The following CMSS1 variants were observed in gnomAD, a reference collection of about 807,000 sequenced individuals.
The protein encoded by CMSS1 is protein CMSS1.
Under a neutral mutation model 43.5 loss-of-function variants are expected in CMSS1, and 33 were observed. The observed-to-expected ratio is 0.76, with a 90% confidence interval of 0.57 to 1.01. The LOEUF (loss-of-function observed/expected upper bound fraction) is 1.01, where lower values mean the gene tolerates loss of function less well. Among genes scored for constraint, CMSS1 ranks in the 50% least tolerant of loss-of-function variants. The pLI is 0.00. For missense variants in CMSS1, 313 were observed against 326.4 expected (o/e 0.96, Z 0.32); for synonymous variants, 115 against 117.2 (o/e 0.98, Z 0.12).
chr3:99,821,875 G>A (rs1054098358), intron 1 of CMSS1, among the ~76,000 whole-genome samples: 9 of 152,062 alleles, frequency 5.9e-5, no homozygotes, highest in South Asian at 4.2e-4. Context: ...GAGAAAACCT[G>A]TCTCTACTAA....
intron 1 of CMSS1, among the ~76,000 whole-genome samples, chr3:100,074,666 C>T (rs1261932282): frequency 2.8e-5 from 2 of 72,470 alleles, no homozygotes; most frequent in African/African-American, 1.0e-4. Flanking sequence ...TATGCATGTG[C>T]AACATTTGAT....
rs1443600502 is a variant in CMSS1, at chr3:100,030,844, A to T, written c.65-116129A>T. Among the ~76,000 whole-genome samples the T allele has an allele frequency of 5.3e-5, 8 of 152,332 alleles. No homozygotes were observed. The South Asian group carries it at 1.2e-3, about 24-fold the overall frequency. ...GTCAATTTATAACCTAATAAGGTAT[A>T]AGTGGTTTTTAAAGTGCACTGTGGT... On this transcript the variant is annotated intron_variant, in intron 1 of 9. Coordinates refer to ENST00000421999, the MANE Select transcript of CMSS1 (RefSeq NM_032359.4).
intron 1 of CMSS1, among the ~76,000 whole-genome samples, chr3:99,937,968 GGA>G (rs1285783653): frequency 2.0e-5 from 3 of 152,152 alleles, no homozygotes; most frequent in African/African-American, 7.2e-5. Flanking sequence ...GAATTAAGGT[GGA>G]GACTCTCATA....
At position 99,817,862 on chromosome 3, in the gene CMSS1, A is replaced by G; in HGVS notation, c.-118A>G. ...GTCATCGCCGCGGGGCGGAGGCGACAGTGTCTAGCGGGAGCTCCGCGTGTA... is the reference window on the plus strand; with the variant it reads ...GTCATCGCCGCGGGGCGGAGGCGACGGTGTCTAGCGGGAGCTCCGCGTGTA... On this transcript the variant is annotated 5_prime_UTR_variant, in exon 1 of 10. Coordinates refer to ENST00000421999, the MANE Select transcript of CMSS1 (RefSeq NM_032359.4). 2.0e-6 allele frequency: 2 copies of G among 1,023,258 alleles called. No homozygotes were observed. The highest frequency in any genetic ancestry group is 2.9e-6 in the Non-Finnish European group (2 of 681,116). The allele number at this position is 1,023,258 out of a possible 1,614,324, so 63.4% of individuals were successfully genotyped here.
chr3:99,839,720 G>GT (rs1943047124), intron 1 of CMSS1, among the ~76,000 whole-genome samples: 1 of 152,138 alleles, frequency 6.6e-6, no homozygotes, highest in Admixed American at 6.5e-5. Context: ...TACAAATATA[G>GT]ATGTTCAAGT....
chr3:99,939,844 C>G (rs2107674962), intron 1 of CMSS1, among the ~76,000 whole-genome samples: 1 of 152,322 alleles, frequency 6.6e-6, no homozygotes, highest in South Asian at 2.1e-4. Context: ...TTTTAGTTTA[C>G]AAACAGTGGA....
intron 1 of CMSS1, among the ~76,000 whole-genome samples, chr3:99,908,041 T>C (rs1706677972): frequency 6.6e-6 from 1 of 152,238 alleles, no homozygotes; most frequent in Non-Finnish European, 1.5e-5. Flanking sequence ...GGTCATGCAA[T>C]GAGCATGGCC....
intron 1 of CMSS1, chr3:100,039,721 C>T (rs1028350734): frequency 4.0e-5 from 6 of 151,858 alleles, no homozygotes; most frequent in South Asian, 2.1e-4. Context: ...TGGTAATTCC[C>T]CCCAGTGGTT....
At chr3:100,156,822 A>G (rs2066979344) in intron 2 of CMSS1, among the ~76,000 whole-genome samples, 1 of 149,630 alleles carries the variant, frequency 6.7e-6, no homozygotes, top group Non-Finnish European at 1.5e-5. Context: ...TCACCATGTT[A>G]GCCAGAATGG....
intron 1 of CMSS1, among the ~76,000 whole-genome samples, chr3:100,018,735 CAAAAAA>C (rs61527233): frequency 8.3e-6 from 1 of 120,236 alleles, no homozygotes; most frequent in Non-Finnish European, 1.8e-5. Flanking sequence ...TTCCGCATAG[CAAAAAA>C]AAAAAAAAAA....
At chr3:99,966,856 G>A (rs1708668719) in intron 1 of CMSS1, among the ~76,000 whole-genome samples, 3 of 152,132 alleles carry the variant, frequency 2.0e-5, no homozygotes, top group African/African-American at 2.4e-5. Context: ...AGATTTACTC[G>A]AACTGAACTA....
chr3:100,109,332 A>G (rs1209380969), intron 1 of CMSS1, among the ~76,000 whole-genome samples: 1 of 152,186 alleles, frequency 6.6e-6, no homozygotes, highest in Non-Finnish European at 1.5e-5. Context: ...ACAATAAGGT[A>G]TGCTTTACAT....
chr3:100,015,487 A>G (rs1395945868), intron 1 of CMSS1, among the ~76,000 whole-genome samples: 1 of 152,204 alleles, frequency 6.6e-6, no homozygotes, highest in Non-Finnish European at 1.5e-5. Context: ...TGGAAATTTT[A>G]ACAGTATTCA....
At chr3:99,849,870 G>A (rs1258833522) in intron 1 of CMSS1, 1 of 1,610,828 alleles carries the variant, frequency 6.2e-7, no homozygotes, top group East Asian at 2.2e-5. Flanking sequence ...TGTTTTTTAG[G>A]AAATCTTTCT....
intron 1 of CMSS1, among the ~76,000 whole-genome samples, chr3:100,064,398 C>CT (rs527292402): frequency 2.4e-3 from 346 of 146,010 alleles, no homozygotes; most frequent in African/African-American, 7.0e-3. Context: ...CCCCAACACC[C>CT]TTTTTTTTTT....
intron 1 of CMSS1, among the ~76,000 whole-genome samples, chr3:100,061,592 G>T (rs2065567660): frequency 6.6e-6 from 1 of 152,226 alleles, no homozygotes; most frequent in Admixed American, 6.5e-5. Flanking sequence ...AATAAGAGCA[G>T]TACTAATAAT....
Position 100,004,654 on chromosome 3 carries a change from C to T in CMSS1, c.65-142319C>T, listed in dbSNP as rs569752778. ...AGGATGTCATGAAACCAAAAGAGGA[C>T]GGCTTCATGAAGAGAGAGCACCATA... is the stretch of plus-strand genomic sequence containing the variant. On this transcript the variant is annotated intron_variant, in intron 1 of 9. Transcript: ENST00000421999. 1.6e-3 allele frequency among the ~76,000 whole-genome samples: 243 copies of T among 152,272 alleles called. 1 individual carries two copies. Among genetic ancestry groups the T allele is most frequent in the Non-Finnish European group, 2.9e-3 (200 of 68,024 alleles).
chr3:100,016,070 C>T (rs920115103), intron 1 of CMSS1, among the ~76,000 whole-genome samples: 1 of 152,190 alleles, frequency 6.6e-6, no homozygotes, highest in Non-Finnish European at 1.5e-5. Flanking sequence ...TTATTATTCA[C>T]AACACTTCAT....
chr3:99,998,159 A>G (rs1294023715), intron 1 of CMSS1, among the ~76,000 whole-genome samples: 1 of 152,246 alleles, frequency 6.6e-6, no homozygotes, highest in African/African-American at 2.4e-5. Flanking sequence ...AAGATCTGTT[A>G]CCATCTGAAA....
Sources: allele counts gnomAD v4.1 joint callset (sites outside exome capture counted in the v4.1 genomes callset), GRCh38; gene constraint gnomAD v4.1.1; transcripts MANE v1.5; gene names NCBI Gene and HGNC (gene_info 2026-07-23, HGNC 2026-07-21).